The following KLK3 variants were observed in gnomAD, a reference collection of about 807,000 sequenced individuals.
KLK3 encodes prostate-specific antigen.
In KLK3, 23 loss-of-function variants were observed where a neutral mutation model predicts 27.7. The ratio of observed to expected loss-of-function variants is 0.83; its 90% CI spans 0.60 to 1.17. The LOEUF is 1.17. KLK3 is among the 50% of genes most tolerant of loss of function. The pLI is 0.00. For missense variants in KLK3, 322 were observed against 338.1 expected (o/e 0.95, Z 0.37); for synonymous variants, 142 against 134.2 (o/e 1.06, Z -0.40).
intron 2 of KLK3, chr19:50,857,805 C>A: frequency 1.8e-6 from 1 of 542,936 alleles, no homozygotes. Flanking sequence ...TACCCTCTTC[C>A]TTTTTCCCTT....
intron 1 of KLK3, chr19:50,855,348 T>G: frequency 3.0e-6 from 1 of 332,526 alleles, no homozygotes; most frequent in East Asian, 6.1e-5. Context: ...ATGCCATTGG[T>G]TCCTTGGACC....
chr19:50,857,838 T>C (rs570507509), intron 2 of KLK3, 191 bp from the exon 3 acceptor site: 8 of 587,536 alleles, frequency 1.4e-5, no homozygotes, highest in Non-Finnish European at 2.4e-5. Context: ...TTTCTGTATC[T>C]GCCCTTCACC....
chr19:50,860,046 C>T lies in KLK3; in HGVS notation c.705C>T (p.Ala235=). ...CGTCATGGGGCAGTGAACCATGTGC[C>T]CTGCCCGAAAGGCCTTCCCTGTACA... ...GITSWGSEPC[A]LPERPSLYTK... Residue 235 remains alanine, a synonymous_variant, in exon 5 of 5, where the codon GCC becomes GCT. Transcript: ENST00000326003. The T allele has an allele frequency of 6.2e-7, 1 of 1,614,092 alleles. No individual in the cohort carries two copies. The highest frequency in any genetic ancestry group is 2.2e-5 in the East Asian group (1 of 44,878).
Position 50,856,268 on chromosome 19 carries a change from T to C in KLK3, c.75T>C (p.Ile25=), listed in dbSNP as rs754188902. 2 of 1,612,974 alleles carry C rather than the reference T, an allele frequency of 1.2e-6. No individual in the cohort carries two copies. Among genetic ancestry groups the C allele is most frequent in the Non-Finnish European group, 1.7e-6 (2 of 1,179,966 alleles). ...CTGCACCCCTCATCCTGTCTCGGAT[T>C]GTGGGAGGCTGGGAGTGCGAGAAGC... ...IGAAPLILSR[I]VGGWECEKHS... Residue 25 remains isoleucine (I), a synonymous_variant, in exon 2 of 5, where the codon ATT becomes ATC. Transcript: ENST00000326003.
intron 1 of KLK3, 101 bp downstream of exon 1, chr19:50,855,102 G>A (rs1179314748): frequency 1.6e-6 from 2 of 1,223,690 alleles, no homozygotes; most frequent in Non-Finnish European, 2.4e-6. Context: ...GCCCAGACAG[G>A]GAGCTGGGCT....
In KLK3 at chr19:50,860,112, C is replaced by T. The variant is rs375475599; in HGVS notation, c.771C>T (p.Ile257=). 36 of 1,613,228 alleles carry T rather than the reference C, an allele frequency of 2.2e-5. No homozygotes were observed. Among genetic ancestry groups the T allele is most frequent in the Admixed American group, 2.0e-4 (12 of 59,954 alleles). The part of the protein sequence containing the change: ...VHYRKWIKDT[I]VANP ...ACCGGAAGTGGATCAAGGACACCATCGTGGCCAACCCCTGAGCACCCCTAT... is the reference window on the plus strand; with the variant it reads ...ACCGGAAGTGGATCAAGGACACCATTGTGGCCAACCCCTGAGCACCCCTAT... Residue 257 remains isoleucine, a synonymous_variant, in exon 5 of 5, where the codon ATC becomes ATT. Transcript: ENST00000326003.
At chr19:50,859,290 G>A (rs1364854313) in intron 4 of KLK3, among the ~76,000 whole-genome samples, 1 of 151,864 alleles carries the variant, frequency 6.6e-6, no homozygotes, top group Non-Finnish European at 1.5e-5. Flanking sequence ...GTCAGGAACT[G>A]TGGATGGTGC....
At chr19:50,857,183 A>AAAAAG (rs1491335383) in intron 2 of KLK3, among the ~76,000 whole-genome samples, 4,436 of 128,124 alleles carry the variant, frequency 0.035, 150 homozygotes, top group Non-Finnish European at 0.057. Flanking sequence ...AAAAAAAAAA[A>AAAAAG]GAAAAGAAAA....
In KLK3 at chr19:50,858,531, C is replaced by T; in HGVS notation, c.566C>T (p.Pro189Leu). 1 of 1,614,238 alleles carries T rather than the reference C, an allele frequency of 6.2e-7. No individual in the cohort carries two copies. Among genetic ancestry groups the T allele is most frequent in the East Asian group, 2.2e-5 (1 of 44,884 alleles). ...AATGACGTGTGTGCGCAAGTTCACC[C>T]TCAGAAGGTGACCAAGTTCATGCTG... ...ISNDVCAQVH[P>L]QKVTKFMLCA... The change falls in exon 4 of 5, where the codon CCT becomes CTT. Residue 189 changes from proline to leucine, a missense_variant. Physicochemically the swap from Pro to Leu is moderately conservative, Grantham distance 98 (BLOSUM62 -3). Coordinates refer to ENST00000326003, the MANE Select transcript of KLK3 (RefSeq NM_001648.2).
At chr19:50,856,020 G>T in intron 1 of KLK3, 1 of 544,658 alleles carries the variant, frequency 1.8e-6, no homozygotes, top group Non-Finnish European at 3.3e-6. Context: ...CCCAGAGCAT[G>T]AAGCCTCTCC....
chr19:50,856,060 A>G (rs556962359), intron 1 of KLK3, 180 bp from the exon 2 acceptor site: 6 of 595,326 alleles, frequency 1.0e-5, no homozygotes, highest in Admixed American at 9.1e-5. Context: ...CTGCAAACCT[A>G]GGGAAGATTG....
intron 2 of KLK3, among the ~76,000 whole-genome samples, chr19:50,857,162 CAAAAAAAAAA>C (rs560911495): frequency 4.3e-5 from 2 of 46,416 alleles, no homozygotes; most frequent in East Asian, 1.4e-3. Flanking sequence ...GACTCCGCCT[CAAAAAAAAAA>C]AAAAAAAAAA....
intron 4 of KLK3, chr19:50,858,865 G>A: frequency 1.7e-6 from 1 of 572,348 alleles, no homozygotes; most frequent in Non-Finnish European, 3.1e-6. Flanking sequence ...CCTAGAGCCT[G>A]GGACATAGCA....
chr19:50,858,595 G>A lies in KLK3; in HGVS notation c.630G>A (p.Ser210=), dbSNP rs759209785. The A allele has an allele frequency of 1.4e-5, 23 of 1,614,124 alleles. 1 individual carries two copies. Among genetic ancestry groups the A allele is most frequent in the South Asian group, 4.4e-5 (4 of 91,074 alleles). ...GRWTGGKSTC[S]GDSGGPLVCN... is the part of the protein sequence containing the mutation. ...GGACAGGGGGCAAAAGCACCTGCTC[G>A]GTGAGTCATCCCTACTCCCAAGATC... is the stretch of plus-strand genomic sequence containing the variant. Residue 210 remains serine, a splice_region_variant and synonymous_variant, in exon 4 of 5, where the codon TCG becomes TCA. Transcript: ENST00000326003.
In KLK3 at chr19:50,854,969, T is replaced by C; in HGVS notation, c.14T>C (p.Val5Ala). 2 of 1,613,792 alleles carry C rather than the reference T, an allele frequency of 1.2e-6. No individual in the cohort carries two copies. The highest frequency in any genetic ancestry group is 1.7e-6 in the Non-Finnish European group (2 of 1,179,870). The change falls in exon 1 of 5, where the codon GTT becomes GCT. Residue 5 changes from valine to alanine, a missense_variant. Transcript: ENST00000326003. MWVP[V>A]VFLTLSVTWI... ...AGCTGTGTCACCATGTGGGTCCCGG[T>C]TGTCTTCCTCACCCTGTCCGTGACG...
chr19:50,858,664 C>G, intron 4 of KLK3, 69 bp downstream of exon 4: 1 of 1,584,942 alleles, frequency 6.3e-7, no homozygotes, highest in Non-Finnish European at 8.6e-7. Context: ...GGGCTGGGGT[C>G]TAGAAGCCAA....
intron 4 of KLK3, chr19:50,859,521 T>A: frequency 1.9e-6 from 3 of 1,607,928 alleles, no homozygotes; most frequent in Non-Finnish European, 2.6e-6. Flanking sequence ...ATTCTCCACC[T>A]ACCCACAGTG....
rs767083316 is a variant in KLK3 at position 50,856,315 on chromosome 19, T to C, written c.122T>C (p.Leu41Pro). The change falls in exon 2 of 5, where the codon CTT (leucine) becomes CCT (proline). Residue 41 changes from leucine to proline, a missense_variant. By Grantham distance (98) the Leu-to-Pro change is moderately conservative. Transcript: ENST00000326003. Reference sequence around the variant, plus strand: ...AAGCATTCCCAACCCTGGCAGGTGCTTGTGGCCTCTCGTGGCAGGGCAGTC... The same window carrying C: ...AAGCATTCCCAACCCTGGCAGGTGCCTGTGGCCTCTCGTGGCAGGGCAGTC... ...CEKHSQPWQVLVASRGRAVCG... is the reference protein window; with the variant it reads ...CEKHSQPWQVPVASRGRAVCG... 1.2e-6 allele frequency: 2 copies of C among 1,613,526 alleles called. No homozygotes were observed. The highest frequency in any genetic ancestry group is 1.7e-6 in the Non-Finnish European group (2 of 1,180,028).
chr19:50,856,437 T>G, intron 2 of KLK3, 38 bp downstream of exon 2: 1 of 1,602,616 alleles, frequency 6.2e-7, no homozygotes, highest in Non-Finnish European at 8.5e-7. Context: ...CAGGTGTCTG[T>G]GTCCCAGAGG....
Sources: gnomAD v4.1 joint callset for allele counts (sites outside exome capture counted in the v4.1 genomes callset) on GRCh38, gnomAD v4.1.1 for gene constraint, MANE v1.5 for transcripts, NCBI Gene and HGNC (gene_info 2026-07-23, HGNC 2026-07-21) for gene names.